SLC16A7: variants seen among roughly 807,000 people sequenced by gnomAD.
SLC16A7 encodes the protein monocarboxylate transporter 2.
Under a neutral mutation model 34.9 loss-of-function variants are expected in SLC16A7, and 33 were observed. The observed-to-expected ratio is 0.94, with a 90% CI of 0.72 to 1.26. The LOEUF is 1.26. Ranked by LOEUF, SLC16A7 falls within the 50% of genes most tolerant of loss-of-function variation. SLC16A7 has a pLI of 0.00. For synonymous variants in SLC16A7, 201 were observed against 206.6 expected (o/e 0.97, Z 0.23); for missense variants, 573 against 578.1 (o/e 0.99, Z 0.09).
At position 59,779,787 on chromosome 12, in the gene SLC16A7, CAATT is replaced by C. The variant is rs1290745841; in HGVS notation, c.*111_*114del. On this transcript the variant is annotated 3_prime_UTR_variant, in exon 6 of 6. Coordinates refer to ENST00000547379, the MANE Select transcript of SLC16A7 (RefSeq NM_001270623.2). ...AGGTTTTAGCTGAAATGAGGAGTCA[CAATT>C]AAGGATGGAGGTGATATTTTCCTCA... 3.6e-6 allele frequency: 3 copies of C among 843,966 alleles called. No homozygotes were observed. Among genetic ancestry groups the C allele is most frequent in the Non-Finnish European group, 5.4e-6 (3 of 556,274 alleles). The allele number at this position is 843,966 out of a possible 1,614,324, so 52.3% of individuals were successfully genotyped here.
chr12:59,750,345 C>A (rs1879377003), intron 3 of SLC16A7, among the ~76,000 whole-genome samples: 1 of 151,900 alleles, frequency 6.6e-6, no homozygotes, highest in African/African-American at 2.4e-5. Flanking sequence ...CCAGAATCTA[C>A]AAAGAATGTA....
At chr12:59,666,231 T>C (rs374188583) in intron 2 of SLC16A7, among the ~76,000 whole-genome samples, 1 of 152,204 alleles carries the variant, frequency 6.6e-6, no homozygotes, top group Non-Finnish European at 1.5e-5. Flanking sequence ...TGTTGTTTTT[T>C]AGAGAAATCA....
intron 1 of SLC16A7, among the ~76,000 whole-genome samples, chr12:59,609,586 C>T (rs560375705): frequency 1.3e-5 from 2 of 152,114 alleles, no homozygotes; most frequent in East Asian, 1.9e-4. Flanking sequence ...CTTGTGGATC[C>T]TTCTGAATGT....
At chr12:59,607,284 G>A (rs1183019718) in intron 1 of SLC16A7, among the ~76,000 whole-genome samples, 1 of 152,312 alleles carries the variant, frequency 6.6e-6, no homozygotes, top group Non-Finnish European at 1.5e-5. Context: ...ATAGTCTTTA[G>A]TTAAGAGAGG....
chr12:59,636,789 A>G (rs1451141333), intron 1 of SLC16A7, among the ~76,000 whole-genome samples: 3 of 152,178 alleles, frequency 2.0e-5, no homozygotes, highest in African/African-American at 4.8e-5. Context: ...CCAATGTTAT[A>G]CTAGTTTTAT....
chr12:59,760,648 G>C (rs368970798), intron 3 of SLC16A7, among the ~76,000 whole-genome samples: 1 of 151,978 alleles, frequency 6.6e-6, no homozygotes, highest in Non-Finnish European at 1.5e-5. Context: ...CTGTTAACCT[G>C]ATAACTAAGA....
At chr12:59,755,654 T>C (rs972530639) in intron 3 of SLC16A7, among the ~76,000 whole-genome samples, 1 of 152,076 alleles carries the variant, frequency 6.6e-6, no homozygotes, top group African/African-American at 2.4e-5. Context: ...GTAGGAAGAA[T>C]CAGTATCATG....
chr12:59,610,859 T>G (rs148271019), intron 1 of SLC16A7, among the ~76,000 whole-genome samples: 12 of 152,392 alleles, frequency 7.9e-5, no homozygotes, highest in African/African-American at 2.9e-4. Flanking sequence ...TATGTCTTGT[T>G]TATGTTTTGT....
rs1286650227 is a variant in SLC16A7, at chr12:59,781,608, A to C, written c.*1929A>C. On this transcript the variant is annotated 3_prime_UTR_variant, in exon 6 of 6. Transcript: ENST00000547379. Reference sequence around the variant, plus strand: ...AGATGTGCCAATATCATAGGTAAATAAATTAGGGAAAATGTGGGACTTTAT... The same window carrying C: ...AGATGTGCCAATATCATAGGTAAATCAATTAGGGAAAATGTGGGACTTTAT... 6.6e-5 allele frequency: 10 copies of C among 152,604 alleles called. No individual in the cohort carries two copies. Among genetic ancestry groups the C allele is most frequent in the African/African-American group, 2.4e-4 (10 of 41,454 alleles). 9.5% of individuals were successfully genotyped at this position (152,604 alleles called of 1,614,324 possible). A position where few individuals can be genotyped will look rare whatever the true frequency, so the allele number is the denominator to read the frequency against.
intron 1 of SLC16A7, among the ~76,000 whole-genome samples, chr12:59,614,840 A>AG (rs1228452378): frequency 8.1e-5 from 12 of 147,968 alleles, no homozygotes; most frequent in African/African-American, 3.0e-4. Flanking sequence ...AAAAAAAAAA[A>AG]AAAAAAAAAA....
chr12:59,670,424 C>A (rs1869583166), intron 2 of SLC16A7, among the ~76,000 whole-genome samples: 1 of 152,070 alleles, frequency 6.6e-6, no homozygotes, highest in South Asian at 2.1e-4. Context: ...ACCCCCCCCA[C>A]CAAATTTAAG....
rs1484975180 is a variant in SLC16A7 at position 59,786,588 on chromosome 12, T to C, written c.*6909T>C. ...ATTTATTTCTAAACATTAGATCTAA[T>C]TGTATTTTGATTTGTTTTGATATAT... On this transcript the variant is annotated 3_prime_UTR_variant, in exon 6 of 6. Transcript: ENST00000547379. 1 of 152,160 alleles carries C rather than the reference T, an allele frequency of 6.6e-6. No homozygotes were observed. Among genetic ancestry groups the C allele is most frequent in the African/African-American group, 2.4e-5 (1 of 41,450 alleles). 9.4% of individuals were successfully genotyped at this position (152,160 alleles called of 1,614,324 possible). A position where few individuals can be genotyped will look rare whatever the true frequency, so the allele number is the denominator to read the frequency against.
At chr12:59,771,477 A>C in intron 4 of SLC16A7, 115 bp downstream of exon 4, 2 of 724,616 alleles carry the variant, frequency 2.8e-6, no homozygotes, top group Admixed American at 3.1e-5. Flanking sequence ...TTTATAAACA[A>C]TGCAGTTTTA....
chr12:59,765,117 G>A (rs1188789354), intron 3 of SLC16A7, among the ~76,000 whole-genome samples: 2 of 152,178 alleles, frequency 1.3e-5, no homozygotes, highest in Non-Finnish European at 2.9e-5. Context: ...TTTTTTGGCT[G>A]CATAAATGTC....
At chr12:59,611,441 C>T (rs1212358230) in intron 1 of SLC16A7, among the ~76,000 whole-genome samples, 1 of 152,184 alleles carries the variant, frequency 6.6e-6, no homozygotes, top group Non-Finnish European at 1.5e-5. Flanking sequence ...AGGTCCCTAA[C>T]ATGACATGTG....
chr12:59,776,050 A>T (rs990600271), intron 5 of SLC16A7, among the ~76,000 whole-genome samples: 1 of 152,160 alleles, frequency 6.6e-6, no homozygotes, highest in Non-Finnish European at 1.5e-5. Flanking sequence ...CTCATGTTCC[A>T]TGTTTATAAA....
intron 3 of SLC16A7, among the ~76,000 whole-genome samples, chr12:59,743,095 A>G (rs1878517679): frequency 6.6e-6 from 1 of 152,208 alleles, no homozygotes; most frequent in African/African-American, 2.4e-5. Flanking sequence ...TACCAGAGGG[A>G]AAATGCATAT....
intron 1 of SLC16A7, among the ~76,000 whole-genome samples, chr12:59,605,134 G>C (rs1565614809): frequency 6.6e-6 from 1 of 152,114 alleles, no homozygotes; most frequent in Non-Finnish European, 1.5e-5. Flanking sequence ...TACAGGCAAA[G>C]TCTGATAAAT....
intron 2 of SLC16A7, among the ~76,000 whole-genome samples, chr12:59,657,873 C>G (rs971601423): frequency 6.6e-6 from 1 of 151,932 alleles, no homozygotes; most frequent in African/African-American, 2.4e-5. Context: ...GACATATTTA[C>G]TCTTTCTAGC....
Sources: allele counts gnomAD v4.1 joint callset (sites outside exome capture counted in the v4.1 genomes callset), GRCh38; gene constraint gnomAD v4.1.1; transcripts MANE v1.5; gene names NCBI Gene and HGNC (gene_info 2026-07-23, HGNC 2026-07-21).